Variants in STAG1 observed in about 807,000 individuals in gnomAD.
The protein encoded by STAG1 is STAG1 cohesin complex component.
Under a neutral mutation model 170.9 loss-of-function variants are expected in STAG1, and 26 were observed. The ratio of observed to expected loss-of-function variants is 0.15; its 90% CI spans 0.11 to 0.21. The LOEUF is 0.21. Among genes scored for constraint, STAG1 ranks in the 10% least tolerant of loss-of-function variants. The pLI, the probability that STAG1 is intolerant of heterozygous loss-of-function variation, is 1.00. For missense variants in STAG1, 964 were observed against 1,509.5 expected (o/e 0.64, Z 5.99); for synonymous variants, 514 against 497.7 (o/e 1.03, Z -0.44).
chr3:136,648,656 T>C (rs1433650841), intron 1 of STAG1, among the ~76,000 whole-genome samples: 1 of 152,112 alleles, frequency 6.6e-6, no homozygotes, highest in Admixed American at 6.6e-5. Context: ...AGCTAGAAAA[T>C]AAAAAACCCT....
intron 7 of STAG1, among the ~76,000 whole-genome samples, chr3:136,509,278 T>C (rs951946515): frequency 3.5e-4 from 53 of 151,666 alleles, no homozygotes; most frequent in African/African-American, 1.3e-3. Context: ...GAAGACTGGA[T>C]AGGAAATGTA....
intron 28 of STAG1, among the ~76,000 whole-genome samples, chr3:136,357,306 A>G (rs1255380894): frequency 6.6e-6 from 1 of 152,172 alleles, no homozygotes; most frequent in African/African-American, 2.4e-5. Context: ...TTCTTTTGAA[A>G]TTACATATAT....
intron 1 of STAG1, among the ~76,000 whole-genome samples, chr3:136,640,262 A>G (rs1275467186): frequency 1.3e-5 from 2 of 152,192 alleles, no homozygotes; most frequent in East Asian, 3.8e-4. Flanking sequence ...TTCCGAACAA[A>G]TATTGTTTAT....
chr3:136,516,367 ATG>A (rs1447555776), intron 7 of STAG1, among the ~76,000 whole-genome samples: 2 of 151,982 alleles, frequency 1.3e-5, no homozygotes, highest in African/African-American at 4.8e-5. Context: ...AATTAGCCGG[ATG>A]TGGTGGCATG....
chr3:136,558,431 AC>A (rs775179791), intron 5 of STAG1, among the ~76,000 whole-genome samples: 2 of 152,200 alleles, frequency 1.3e-5, no homozygotes, highest in Non-Finnish European at 2.9e-5. Flanking sequence ...ACAATAAAGG[AC>A]AAAAGGTAAC....
intron 1 of STAG1, among the ~76,000 whole-genome samples, chr3:136,725,277 C>G (rs113176165): frequency 1.3e-3 from 177 of 133,858 alleles, no homozygotes; most frequent in African/African-American, 2.9e-3. Context: ...CAAAATTATA[C>G]GGGTGTGTGT....
At chr3:136,657,919 T>C (rs181402854) in intron 1 of STAG1, among the ~76,000 whole-genome samples, 2 of 152,306 alleles carry the variant, frequency 1.3e-5, no homozygotes, top group Admixed American at 6.5e-5. Flanking sequence ...TTGTTGTACT[T>C]TTCTTTTATC....
At chr3:136,468,446 G>C (rs1165553930) in intron 12 of STAG1, among the ~76,000 whole-genome samples, 3 of 152,102 alleles carry the variant, frequency 2.0e-5, no homozygotes, top group East Asian at 1.9e-4. Flanking sequence ...ACCCTCCCAA[G>C]ACTAAACCAG....
intron 14 of STAG1, among the ~76,000 whole-genome samples, chr3:136,446,853 G>A (rs10804640): frequency 0.36 from 53,611 of 150,984 alleles, 11,388 homozygotes; most frequent in East Asian, 0.8. Flanking sequence ...CGCCCAGGAT[G>A]CAGTGGCGCA....
chr3:136,562,669 CCT>C lies in STAG1; in HGVS notation c.394+6094_394+6095del, dbSNP rs1361531828. On this transcript the variant is annotated intron_variant, in intron 5 of 33. Coordinates refer to ENST00000383202, the MANE Select transcript of STAG1 (RefSeq NM_005862.3). ...ATGGTGTGATCTTGGCTCATTGCAA[CCT>C]CTGTCTCCTGGGTTCAAGTGATTCT... 3.9e-5 allele frequency among the ~76,000 whole-genome samples: 6 copies of C among 152,154 alleles called. 1 individual carries two copies. The South Asian group carries it at 1.0e-3, about 26-fold the overall frequency.
At chr3:136,404,986 T>C (rs896549219) in intron 21 of STAG1, among the ~76,000 whole-genome samples, 40 of 152,064 alleles carry the variant, frequency 2.6e-4, no homozygotes, top group Non-Finnish European at 3.1e-4. Flanking sequence ...TATTTTTCTG[T>C]TGGCAAGAGA....
chr3:136,668,568 G>C (rs1465331784), intron 1 of STAG1, among the ~76,000 whole-genome samples: 1 of 151,874 alleles, frequency 6.6e-6, no homozygotes, highest in Admixed American at 6.6e-5. Context: ...CATAGAGAAA[G>C]CCTTCAGGCT....
At chr3:136,456,785 T>C (rs898702610) in intron 13 of STAG1, among the ~76,000 whole-genome samples, 2 of 152,190 alleles carry the variant, frequency 1.3e-5, no homozygotes, top group Non-Finnish European at 2.9e-5. Flanking sequence ...TCATATTCAA[T>C]GGAGCTCCTA....
At chr3:136,675,695 A>G (rs1300773780) in intron 1 of STAG1, among the ~76,000 whole-genome samples, 1 of 152,178 alleles carries the variant, frequency 6.6e-6, no homozygotes, top group Non-Finnish European at 1.5e-5. Flanking sequence ...TATCCATTAA[A>G]TCACTCATTA....
At chr3:136,747,143 C>T (rs1402398366) in intron 1 of STAG1, among the ~76,000 whole-genome samples, 2 of 137,428 alleles carry the variant, frequency 1.5e-5, no homozygotes, top group Non-Finnish European at 3.0e-5. Flanking sequence ...CATGGTGGTG[C>T]GTGCCTGCAT....
intron 5 of STAG1, among the ~76,000 whole-genome samples, chr3:136,551,254 A>AGG (rs1936384329): frequency 1.5e-5 from 2 of 137,642 alleles, no homozygotes; most frequent in African/African-American, 2.8e-5. Context: ...AGAGAGAGAG[A>AGG]GAGAGAGGGA....
At chr3:136,714,974 AT>A (rs1353956838) in intron 1 of STAG1, among the ~76,000 whole-genome samples, 1 of 110,028 alleles carries the variant, frequency 9.1e-6, no homozygotes, top group African/African-American at 3.0e-5. Context: ...TTTTATATAT[AT>A]ATTTTTATAT....
At chr3:136,367,493 GAC>G (rs1469908583) in intron 24 of STAG1, among the ~76,000 whole-genome samples, 1 of 152,012 alleles carries the variant, frequency 6.6e-6, no homozygotes, top group Non-Finnish European at 1.5e-5. Flanking sequence ...AATACTGAGA[GAC>G]AGCTGTATAA....
chr3:136,677,388 A>G (rs1942157797), intron 1 of STAG1, among the ~76,000 whole-genome samples: 2 of 152,212 alleles, frequency 1.3e-5, no homozygotes. Flanking sequence ...AATAACTGTC[A>G]CACGCAAGGT....
Sources: allele counts gnomAD v4.1 joint callset (sites outside exome capture counted in the v4.1 genomes callset), GRCh38; gene constraint gnomAD v4.1.1; transcripts MANE v1.5; gene names NCBI Gene and HGNC (gene_info 2026-07-23, HGNC 2026-07-21).